EDNRA: variants seen among roughly 807,000 people sequenced by gnomAD.
The protein encoded by EDNRA is endothelin receptor type A, also known as endothelin-1 receptor.
In EDNRA, 11 loss-of-function variants were observed where a neutral mutation model predicts 41.4. The ratio of observed to expected loss-of-function variants is 0.27; its 90% CI spans 0.17 to 0.44. The LOEUF (loss-of-function observed/expected upper bound fraction) is 0.44. Among genes scored for constraint, EDNRA ranks in the 20% least tolerant of loss-of-function variants. The pLI is 1.00. For synonymous variants in EDNRA, 172 were observed against 183.0 expected (o/e 0.94, Z 0.49); for missense variants, 294 against 531.0 (o/e 0.55, Z 4.39).
At chr4:147,533,169 T>A (rs2126475913) in intron 4 of EDNRA, among the ~76,000 whole-genome samples, 1 of 152,312 alleles carries the variant, frequency 6.6e-6, no homozygotes, top group African/African-American at 2.4e-5. Context: ...GATTTACTAA[T>A]TCAAAGTAGA....
At chr4:147,506,657 C>A (rs896199556) in intron 2 of EDNRA, 15 of 316,634 alleles carry the variant, frequency 4.7e-5, no homozygotes, top group African/African-American at 2.9e-4. Flanking sequence ...TGTGGTATAC[C>A]TGAGGGAACT....
chr4:147,526,482 C>T (rs1259984636), intron 3 of EDNRA, among the ~76,000 whole-genome samples: 2 of 152,204 alleles, frequency 1.3e-5, no homozygotes, highest in East Asian at 3.9e-4. Flanking sequence ...AGGGTCCTCT[C>T]TGTTTTTGCT....
chr4:147,508,120 C>A (rs1412585001), intron 2 of EDNRA, among the ~76,000 whole-genome samples: 1 of 151,886 alleles, frequency 6.6e-6, no homozygotes, highest in East Asian at 1.9e-4. Context: ...TTTTGAAGAG[C>A]AAAAATTCTT....
At position 147,483,050 on chromosome 4, in the gene EDNRA, CT is replaced by C. The variant is rs1405923018; in HGVS notation, c.-71+1675del. Reference sequence around the variant, plus strand: ...GATATGAAAGTATTTCTTCTCCCCCCTGTATCTGTGATCCAAAAAGGAGGAT... The same window carrying C: ...GATATGAAAGTATTTCTTCTCCCCCCGTATCTGTGATCCAAAAAGGAGGAT... On this transcript the variant is annotated intron_variant, in intron 1 of 7. Coordinates refer to ENST00000651419, the MANE Select transcript of EDNRA (RefSeq NM_001957.4). Among the ~76,000 whole-genome samples, 34 of 152,360 alleles carry C rather than the reference CT, an allele frequency of 2.2e-4. 1 individual carries two copies. Among genetic ancestry groups the C allele is most frequent in the African/African-American group, 7.7e-4 (32 of 41,578 alleles).
At position 147,531,679 on chromosome 4, in the gene EDNRA, C is replaced by T. The variant is rs149686550; in HGVS notation, c.549-827C>T. The T allele has an allele frequency of 5.1e-3, 783 of 152,410 alleles. 5 individuals carry two copies. Among genetic ancestry groups the T allele is most frequent in the Non-Finnish European group, 9.1e-3 (620 of 68,130 alleles). The allele number at this position is 152,410 out of a possible 1,614,324, so 9.4% of individuals were successfully genotyped here. ...AAAGACCTCAGACTCAGGCCTGCCA[C>T]GCAGTTGATTTCCAAATGGGTGGAA... On this transcript the variant is annotated intron_variant, in intron 3 of 7. Coordinates refer to ENST00000651419, the MANE Select transcript of EDNRA (RefSeq NM_001957.4).
intron 3 of EDNRA, among the ~76,000 whole-genome samples, chr4:147,522,216 T>G (rs939551181): frequency 6.6e-6 from 1 of 152,084 alleles, no homozygotes; most frequent in African/African-American, 2.4e-5. Context: ...TATTACTAAG[T>G]GTTAGGCCCT....
intron 2 of EDNRA, chr4:147,491,593 T>C (rs577149533): frequency 6.6e-6 from 1 of 152,170 alleles, no homozygotes; most frequent in Admixed American, 6.6e-5. Context: ...GTGATGATGA[T>C]GATGATTTGT....
rs145948715 is a variant in EDNRA at position 147,542,332 on chromosome 4, G to T, written c.1144-146G>T. Reference sequence around the variant, plus strand: ...TGTAACTCCTGCCTGGTGATAACAGGCTCTCCACTCTAGGTTACTGTCAAG... The same window carrying T: ...TGTAACTCCTGCCTGGTGATAACAGTCTCTCCACTCTAGGTTACTGTCAAG... On this transcript the variant is annotated intron_variant, in intron 7 of 7. Coordinates refer to ENST00000651419, the MANE Select transcript of EDNRA (RefSeq NM_001957.4). 243 of 1,029,982 alleles carry T rather than the reference G, an allele frequency of 2.4e-4. 1 individual carries two copies. In the African/African-American group the frequency reaches 3.3e-3, roughly 14 times the overall value. The allele number at this position is 1,029,982 out of a possible 1,614,324, so 63.8% of individuals were successfully genotyped here.
intron 7 of EDNRA, among the ~76,000 whole-genome samples, chr4:147,541,130 T>TTAGTAATA: frequency 6.7e-6 from 1 of 150,098 alleles, no homozygotes; most frequent in Non-Finnish European, 1.5e-5. Flanking sequence ...AATTGTGTAC[T>TTAGTAATA]TAGTAATAGA....
chr4:147,522,682 G>C (rs1239898126), intron 3 of EDNRA, among the ~76,000 whole-genome samples: 2 of 152,172 alleles, frequency 1.3e-5, no homozygotes, highest in East Asian at 3.8e-4. Flanking sequence ...TCAAATGTTG[G>C]TAGTCTGCAT....
intron 2 of EDNRA, chr4:147,506,719 T>A: frequency 2.9e-6 from 1 of 340,788 alleles, no homozygotes; most frequent in Non-Finnish European, 5.8e-6. Context: ...ACGTGGGAGC[T>A]GAAACCAGAG....
chr4:147,538,638 A>G (rs969102546), intron 5 of EDNRA, among the ~76,000 whole-genome samples: 12 of 152,132 alleles, frequency 7.9e-5, no homozygotes, highest in Admixed American at 5.9e-4. Context: ...AAGAGCCCCC[A>G]TTCCTGAAGA....
At chr4:147,488,390 A>G (rs1729014573) in intron 2 of EDNRA, 1 of 152,226 alleles carries the variant, frequency 6.6e-6, no homozygotes, top group South Asian at 2.1e-4. Flanking sequence ...AATGAATAAA[A>G]ATTAACATAT....
At chr4:147,527,663 G>T (rs1287828000) in intron 3 of EDNRA, among the ~76,000 whole-genome samples, 2 of 152,108 alleles carry the variant, frequency 1.3e-5, no homozygotes, top group Non-Finnish European at 2.9e-5. Context: ...CAATAAACAT[G>T]CATTAAATGC....
At chr4:147,513,465 G>T (rs1413290972) in intron 2 of EDNRA, among the ~76,000 whole-genome samples, 1 of 152,162 alleles carries the variant, frequency 6.6e-6, no homozygotes. Flanking sequence ...GACTTATTTC[G>T]TAGTATCTGC....
At chr4:147,487,221 T>C (rs1453343095) in intron 2 of EDNRA, among the ~76,000 whole-genome samples, 4 of 152,094 alleles carry the variant, frequency 2.6e-5, no homozygotes, top group Non-Finnish European at 4.4e-5. Context: ...ACCTCCAACA[T>C]TGGGGATTAC....
rs201765391 is a variant in EDNRA at position 147,542,987 on chromosome 4, G to A, written c.*369G>A. The A allele has an allele frequency of 2.3e-4, 37 of 160,108 alleles. No individual in the cohort carries two copies. The highest frequency in any genetic ancestry group is 3.8e-4 in the Non-Finnish European group (28 of 73,524). The allele number at this position is 160,108 out of a possible 1,614,324, so 9.9% of individuals were successfully genotyped here. ...TGGCAGTTCTGGTGAATGTTCAATG[G>A]GAACTGGTCACCATGAAACTTTAGA... On this transcript the variant is annotated 3_prime_UTR_variant, in exon 8 of 8. Transcript: ENST00000651419.
intron 4 of EDNRA, among the ~76,000 whole-genome samples, chr4:147,533,025 G>GTATA (rs10608985): frequency 2.7e-5 from 4 of 149,960 alleles, no homozygotes; most frequent in East Asian, 2.0e-4. Context: ...GTGTGTGTGT[G>GTATA]TATATATATA....
At chr4:147,501,707 C>T (rs1221824457) in intron 2 of EDNRA, among the ~76,000 whole-genome samples, 4 of 152,174 alleles carry the variant, frequency 2.6e-5, no homozygotes, top group South Asian at 2.1e-4. Flanking sequence ...ATATGAAAAG[C>T]TGCCTCATTT....
Sources: gnomAD v4.1 joint callset for allele counts (sites outside exome capture counted in the v4.1 genomes callset) on GRCh38, gnomAD v4.1.1 for gene constraint, MANE v1.5 for transcripts, NCBI Gene and HGNC (gene_info 2026-07-23, HGNC 2026-07-21) for gene names.